The following IL23R variants were observed in gnomAD, a reference collection of about 807,000 sequenced individuals.
IL23R encodes the protein interleukin 23 receptor.
IL23R carries 34 observed loss-of-function variants against 56.9 expected under a neutral mutation model. The ratio of observed to expected loss-of-function variants is 0.60; its 90% CI spans 0.45 to 0.80. IL23R has a LOEUF of 0.80. IL23R is among the 30% of genes least tolerant of loss of function. The pLI, the probability that IL23R is intolerant of heterozygous loss-of-function variation, is 0.00. For synonymous variants in IL23R, 230 were observed against 249.2 expected (o/e 0.92, Z 0.73); for missense variants, 635 against 730.0 (o/e 0.87, Z 1.50).
At chr1:67,178,210 G>A (rs1247102844) in intron 3 of IL23R, among the ~76,000 whole-genome samples, 1 of 151,968 alleles carries the variant, frequency 6.6e-6, no homozygotes, top group African/African-American at 2.4e-5. Context: ...ACCTTGGGCA[G>A]TATGGCCATT....
At position 67,258,922 on chromosome 1, in the gene IL23R, G is replaced by A; in HGVS notation, c.1684G>A (p.Asp562Asn). Residue 562 changes from aspartate (D) to asparagine (N), a missense_variant, in exon 11 of 11, where the codon GAC (aspartate) becomes AAC (asparagine). Physicochemically the swap from Asp to Asn is conservative, Grantham distance 23. Transcript: ENST00000347310. Reference protein sequence around the residue: ...ILNQGECSSPDIQNSVEEETT... With the variant: ...ILNQGECSSPNIQNSVEEETT... Reference sequence around the variant, plus strand: ...AAATCAAGGAGAATGCAGTTCTCCTGACATACAAAACTCAGTAGAGGAGGA... The same window carrying A: ...AAATCAAGGAGAATGCAGTTCTCCTAACATACAAAACTCAGTAGAGGAGGA... 6.2e-7 allele frequency: 1 copy of A among 1,613,874 alleles called. No homozygotes were observed. Among genetic ancestry groups the A allele is most frequent in the Non-Finnish European group, 8.5e-7 (1 of 1,179,818 alleles).
chr1:67,221,115 G>C (rs1650208919), intron 7 of IL23R, among the ~76,000 whole-genome samples: 1 of 152,180 alleles, frequency 6.6e-6, no homozygotes, highest in Non-Finnish European at 1.5e-5. Context: ...GAGCCCAGGA[G>C]CTTGAGACCA....
chr1:67,192,237 T>C (rs1439255525), intron 4 of IL23R, among the ~76,000 whole-genome samples: 1 of 152,180 alleles, frequency 6.6e-6, no homozygotes, highest in Non-Finnish European at 1.5e-5. Context: ...AAAAACATCT[T>C]ATCTGGATTA....
chr1:67,259,621 A>G lies in IL23R; in HGVS notation c.*493A>G, dbSNP rs1653132493. 6.2e-6 allele frequency: 1 copy of G among 160,722 alleles called. No individual in the cohort carries two copies. Among genetic ancestry groups the G allele is most frequent in the African/African-American group, 2.4e-5 (1 of 41,476 alleles). 10.0% of individuals were successfully genotyped at this position (160,722 alleles called of 1,614,324 possible). A position where few individuals can be genotyped will look rare whatever the true frequency, so the allele number is the denominator to read the frequency against. On this transcript the variant is annotated 3_prime_UTR_variant, in exon 11 of 11. Coordinates refer to ENST00000347310, the MANE Select transcript of IL23R (RefSeq NM_144701.3). ...TCTATTGTGTACAGAAAGGGTAAAT[A>G]ATGCAAAATACCTGGTAGTAAAATA...
chr1:67,207,896 A>G (rs1326722917), intron 6 of IL23R, among the ~76,000 whole-genome samples: 1 of 152,208 alleles, frequency 6.6e-6, no homozygotes, highest in Non-Finnish European at 1.5e-5. Flanking sequence ...GAAGACAGGA[A>G]AATGTGGGAA....
At chr1:67,195,096 G>C (rs915133421) in intron 4 of IL23R, among the ~76,000 whole-genome samples, 1 of 152,180 alleles carries the variant, frequency 6.6e-6, no homozygotes, top group Non-Finnish European at 1.5e-5. Context: ...CTGGAGTGCA[G>C]TGGTGCAATG....
chr1:67,158,114 G>A (rs1434478401), intron 1 of IL23R, among the ~76,000 whole-genome samples: 2 of 152,156 alleles, frequency 1.3e-5, no homozygotes, highest in African/African-American at 4.8e-5. Context: ...TACCTGGGAG[G>A]CTGAGGAAGG....
chr1:67,156,844 C>T (rs956636715), intron 1 of IL23R, among the ~76,000 whole-genome samples: 5 of 152,188 alleles, frequency 3.3e-5, no homozygotes, highest in Admixed American at 3.3e-4. Flanking sequence ...ACTGGCATTC[C>T]ACACACTGCT....
chr1:67,201,565 A>T (rs915900850), intron 5 of IL23R, among the ~76,000 whole-genome samples: 1 of 151,506 alleles, frequency 6.6e-6, no homozygotes. Context: ...AAAAAAAAAA[A>T]CAAAAAAACA....
intron 9 of IL23R, among the ~76,000 whole-genome samples, chr1:67,245,658 C>G (rs1409522616): frequency 1.3e-5 from 2 of 152,170 alleles, no homozygotes; most frequent in Non-Finnish European, 2.9e-5. Flanking sequence ...AGGAATAAAG[C>G]CAGCTTGATT....
chr1:67,150,224 T>C (rs978903622), intron 1 of IL23R, among the ~76,000 whole-genome samples: 16 of 151,018 alleles, frequency 1.1e-4, no homozygotes, highest in Non-Finnish European at 1.2e-4. Flanking sequence ...TTCAACATCT[T>C]ATCTAGATAA....
intron 1 of IL23R, among the ~76,000 whole-genome samples, chr1:67,139,932 A>T (rs1646620291): frequency 6.6e-6 from 1 of 152,142 alleles, no homozygotes; most frequent in African/African-American, 2.4e-5. Flanking sequence ...ATGGATTATC[A>T]TGGGAGTGGG....
chr1:67,189,230 G>A (rs1647569519), intron 4 of IL23R, among the ~76,000 whole-genome samples: 1 of 152,052 alleles, frequency 6.6e-6, no homozygotes, highest in South Asian at 2.1e-4. Flanking sequence ...TATGTTGATT[G>A]AATCTAGAAT....
In IL23R at chr1:67,170,559, G is replaced by A. The variant is rs1435649491; in HGVS notation, c.367+921G>A. Reference sequence around the variant, plus strand: ...TAAATCACTATAGTGATATGGGCTGGCTCGTATAATTATATACCTAGTTTG... The same window carrying A: ...TAAATCACTATAGTGATATGGGCTGACTCGTATAATTATATACCTAGTTTG... On this transcript the variant is annotated intron_variant, in intron 3 of 10. Coordinates refer to ENST00000347310, the MANE Select transcript of IL23R (RefSeq NM_144701.3). 3.9e-5 allele frequency among the ~76,000 whole-genome samples: 6 copies of A among 152,102 alleles called. No individual in the cohort carries two copies. In the East Asian group the frequency reaches 1.2e-3, roughly 29 times the overall value.
At chr1:67,188,321 C>T (rs1008586614) in intron 4 of IL23R, among the ~76,000 whole-genome samples, 10 of 150,842 alleles carry the variant, frequency 6.6e-5, no homozygotes, top group Admixed American at 4.0e-4. Context: ...CTGTGGACTT[C>T]GACCTACACT....
chr1:67,256,997 C>T (rs1001667739), intron 10 of IL23R, among the ~76,000 whole-genome samples: 2 of 152,196 alleles, frequency 1.3e-5, no homozygotes, highest in African/African-American at 2.4e-5. Context: ...CCACTCCTCA[C>T]GTCAAGATTT....
intron 5 of IL23R, among the ~76,000 whole-genome samples, chr1:67,206,678 G>GT (rs200802427): frequency 0.019 from 2,766 of 142,132 alleles, 88 homozygotes; most frequent in East Asian, 0.17. Context: ...TTAGAGTTCA[G>GT]TTTTTTTTTT....
At chr1:67,231,028 C>A (rs1651068635) in intron 7 of IL23R, among the ~76,000 whole-genome samples, 1 of 152,086 alleles carries the variant, frequency 6.6e-6, no homozygotes, top group East Asian at 1.9e-4. Context: ...GGGCGAATCT[C>A]CAATGATTTA....
At chr1:67,201,750 T>C (rs1401259983) in intron 5 of IL23R, among the ~76,000 whole-genome samples, 1 of 152,186 alleles carries the variant, frequency 6.6e-6, no homozygotes, top group Non-Finnish European at 1.5e-5. Flanking sequence ...TAGACCTCTC[T>C]ATGTTCATCA....
Sources: gnomAD v4.1 joint callset for allele counts (sites outside exome capture counted in the v4.1 genomes callset) on GRCh38, gnomAD v4.1.1 for gene constraint, MANE v1.5 for transcripts, NCBI Gene and HGNC (gene_info 2026-07-23, HGNC 2026-07-21) for gene names.